OTUD6B: variants seen among roughly 807,000 people sequenced by gnomAD.
OTUD6B encodes the protein OTU deubiquitinase 6B, also known as deubiquitinase OTUD6B.
OTUD6B carries 41 observed loss-of-function variants against 36.9 expected under a neutral mutation model. The observed-to-expected ratio is 1.11, with a 90% CI of 0.87 to 1.44. OTUD6B has a LOEUF of 1.44. OTUD6B is among the 40% of genes most tolerant of loss of function. OTUD6B has a pLI of 0.00. For synonymous variants in OTUD6B, 114 were observed against 114.2 expected (o/e 1.00, Z 0.01); for missense variants, 356 against 344.8 (o/e 1.03, Z -0.26).
intron 3 of OTUD6B, among the ~76,000 whole-genome samples, chr8:91,077,293 C>G (rs1805234784): frequency 6.6e-6 from 1 of 151,738 alleles, no homozygotes; most frequent in Admixed American, 6.6e-5. Context: ...ATCCCGTCAT[C>G]CAGAAAAAAG....
chr8:91,073,157 T>G (rs1470882798), intron 2 of OTUD6B, among the ~76,000 whole-genome samples: 1 of 152,194 alleles, frequency 6.6e-6, no homozygotes, highest in East Asian at 1.9e-4. Flanking sequence ...CCTTGAGTTG[T>G]TCTATGCATG....
intron 5 of OTUD6B, among the ~76,000 whole-genome samples, chr8:91,081,221 A>G (rs770631775): frequency 7.2e-5 from 11 of 151,852 alleles, no homozygotes; most frequent in Non-Finnish European, 1.3e-4. Context: ...TGAATTCCTA[A>G]TTGATAGTGA....
intron 3 of OTUD6B, among the ~76,000 whole-genome samples, chr8:91,075,070 A>C (rs1035369475): frequency 6.6e-6 from 1 of 152,076 alleles, no homozygotes; most frequent in African/African-American, 2.4e-5. Flanking sequence ...CCTAAAAGCA[A>C]TGTCTTTTTC....
At position 91,086,477 on chromosome 8, in the gene OTUD6B, A is replaced by G. The variant is rs1813017636; in HGVS notation, c.*1609A>G. ...TGAAATTTACAAAAGAATGAAATTG[A>G]AATTGTAAAACACTAAATGCTTTGG... On this transcript the variant is annotated 3_prime_UTR_variant, in exon 7 of 7. Transcript: ENST00000404789. The G allele has an allele frequency of 6.6e-6, 1 of 152,134 alleles. No homozygotes were observed. The highest frequency in any genetic ancestry group is 1.5e-5 in the Non-Finnish European group (1 of 67,998). The allele number at this position is 152,134 out of a possible 1,614,324, so 9.4% of individuals were successfully genotyped here. A position where few individuals can be genotyped will look rare whatever the true frequency, so the allele number is the denominator to read the frequency against.
intron 4 of OTUD6B, among the ~76,000 whole-genome samples, chr8:91,079,736 A>G (rs954549070): frequency 6.6e-6 from 1 of 152,164 alleles, no homozygotes; most frequent in Non-Finnish European, 1.5e-5. Flanking sequence ...TTACTGAATC[A>G]TTGAAACTCC....
At chr8:91,081,583 A>T (rs960695165) in intron 5 of OTUD6B, among the ~76,000 whole-genome samples, 3 of 147,560 alleles carry the variant, frequency 2.0e-5, no homozygotes, top group African/African-American at 7.3e-5. Context: ...CTGTGTATTC[A>T]GTTGAGCATT....
intron 5 of OTUD6B, 58 bp downstream of exon 5, chr8:91,080,788 C>A: frequency 7.7e-7 from 1 of 1,297,786 alleles, no homozygotes; most frequent in Non-Finnish European, 1.1e-6. Flanking sequence ...TAAATCCCTT[C>A]TGTAGTTTTT....
In OTUD6B at chr8:91,071,175, T is replaced by C. The variant is rs773439153; in HGVS notation, c.120T>C (p.Asn40=). Residue 40 remains asparagine, a synonymous_variant, in exon 2 of 7, where the codon AAT becomes AAC. Coordinates refer to ENST00000404789, the MANE Select transcript of OTUD6B (RefSeq NM_016023.5). The stretch of plus-strand genomic sequence containing the variant: ...GCATGAAGAATGCTGTTCCCAAGAA[T>C]GACAAGAAGAGGAGGAAGCAACTCA... The part of the protein sequence containing the change: ...IQGMKNAVPK[N]DKKRRKQLTE... 1 of 1,613,508 alleles carries C rather than the reference T, an allele frequency of 6.2e-7. No homozygotes were observed. The highest frequency in any genetic ancestry group is 8.5e-7 in the Non-Finnish European group (1 of 1,179,756).
chr8:91,070,589 C>T (rs1271381868), intron 1 of OTUD6B, 123 bp downstream of exon 1: 1 of 875,440 alleles, frequency 1.1e-6, no homozygotes, highest in Non-Finnish European at 1.8e-6. Context: ...CCCCTAGTAG[C>T]AAGTGGCCTC....
intron 2 of OTUD6B, among the ~76,000 whole-genome samples, chr8:91,073,267 C>G (rs1011606759): frequency 6.6e-6 from 1 of 152,062 alleles, no homozygotes; most frequent in Non-Finnish European, 1.5e-5. Context: ...CTAGCAAACA[C>G]ACACTAGCCA....
chr8:91,073,115 C>T (rs920216173), intron 2 of OTUD6B, among the ~76,000 whole-genome samples: 2 of 152,128 alleles, frequency 1.3e-5, no homozygotes, highest in African/African-American at 4.8e-5. Flanking sequence ...GGGACACAGC[C>T]TTTGCAGACT....
chr8:91,082,745 CT>C (rs369648071), intron 5 of OTUD6B, among the ~76,000 whole-genome samples: 12,121 of 111,086 alleles, frequency 0.11, 434 homozygotes, highest in East Asian at 0.23. Flanking sequence ...GGTCATATGT[CT>C]TTTTTTTTTT....
At position 91,085,674 on chromosome 8, in the gene OTUD6B, T is replaced by C. The variant is rs1813000760; in HGVS notation, c.*806T>C. On this transcript the variant is annotated 3_prime_UTR_variant, in exon 7 of 7. Coordinates refer to ENST00000404789, the MANE Select transcript of OTUD6B (RefSeq NM_016023.5). Reference sequence around the variant, plus strand: ...TTAGTACCATCATCTCTTGAGTCTTTCATAACTACACATTTTTATATTTCC... The same window carrying C: ...TTAGTACCATCATCTCTTGAGTCTTCCATAACTACACATTTTTATATTTCC... 6.6e-6 allele frequency: 1 copy of C among 152,092 alleles called. No homozygotes were observed. Among genetic ancestry groups the C allele is most frequent in the South Asian group, 2.1e-4 (1 of 4,826 alleles). The allele number at this position is 152,092 out of a possible 1,614,324, so 9.4% of individuals were successfully genotyped here.
Position 91,086,041 on chromosome 8 carries a change from C to T in OTUD6B, c.*1173C>T, listed in dbSNP as rs1813008095. The T allele has an allele frequency of 6.6e-6, 1 of 152,002 alleles. No individual in the cohort carries two copies. The highest frequency in any genetic ancestry group is 2.1e-4 in the South Asian group (1 of 4,832). 9.4% of individuals were successfully genotyped at this position (152,002 alleles called of 1,614,324 possible). On this transcript the variant is annotated 3_prime_UTR_variant, in exon 7 of 7. Transcript: ENST00000404789. ...TTGTATATGAATGGTTGTTCTAGCT[C>T]AGATTTCAGGTTACTCACAACAGTA... is the stretch of plus-strand genomic sequence containing the variant.
intron 2 of OTUD6B, among the ~76,000 whole-genome samples, chr8:91,071,873 C>G (rs921771664): frequency 2.0e-5 from 3 of 152,136 alleles, no homozygotes; most frequent in African/African-American, 7.2e-5. Flanking sequence ...CATCTGATCC[C>G]AGAATTGCGA....
intron 5 of OTUD6B, 197 bp from the exon 6 acceptor site, chr8:91,083,811 T>G: frequency 8.3e-6 from 2 of 241,598 alleles, no homozygotes; most frequent in Non-Finnish European, 1.3e-5. Flanking sequence ...GTTCCAGGCA[T>G]TTAGGATAAG....
intron 3 of OTUD6B, among the ~76,000 whole-genome samples, chr8:91,074,118 CA>C (rs1239321848): frequency 6.6e-6 from 1 of 152,108 alleles, no homozygotes; most frequent in Non-Finnish European, 1.5e-5. Context: ...TTAGTCCTGA[CA>C]ATAATCCTGT....
chr8:91,082,166 A>G (rs1413334065), intron 5 of OTUD6B, among the ~76,000 whole-genome samples: 1 of 152,144 alleles, frequency 6.6e-6, no homozygotes, highest in African/African-American at 2.4e-5. Flanking sequence ...ATTCTATGCT[A>G]GTTTCTTAAA....
rs1812663638 is a variant in OTUD6B, at chr8:91,070,414, T to C, written c.30T>C (p.Asp10=). The C allele has an allele frequency of 1.9e-6, 3 of 1,600,728 alleles. No individual in the cohort carries two copies. Among genetic ancestry groups the C allele is most frequent in the Non-Finnish European group, 2.6e-6 (3 of 1,173,420 alleles). Residue 10 remains aspartate, a synonymous_variant, in exon 1 of 7, where the codon GAT becomes GAC. Coordinates refer to ENST00000404789, the MANE Select transcript of OTUD6B (RefSeq NM_016023.5). The part of the protein sequence containing the change: MEAVLTEEL[D]EEEQLLRRHR... ...AGGCGGTATTGACCGAAGAGCTTGA[T>C]GAGGAAGAGCAGCTGCTGAGAAGGC...
Sources: gnomAD v4.1 joint callset for allele counts (sites outside exome capture counted in the v4.1 genomes callset) on GRCh38, gnomAD v4.1.1 for gene constraint, MANE v1.5 for transcripts, NCBI Gene and HGNC (gene_info 2026-07-23, HGNC 2026-07-21) for gene names.